TIPIN: variants seen among roughly 807,000 people sequenced by gnomAD.
TIPIN encodes TIMELESS interacting protein, also known as TIMELESS-interacting protein.
In TIPIN, 29 loss-of-function variants were observed where a neutral mutation model predicts 35.6. The observed-to-expected ratio is 0.82, with a 90% CI of 0.61 to 1.11. TIPIN has a LOEUF of 1.11. TIPIN is among the 50% of genes most tolerant of loss of function. The probability of loss-of-function intolerance (pLI) is 0.00; values close to 1 mark genes in which losing one functional copy is unlikely to be tolerated. For missense variants in TIPIN, 296 were observed against 345.4 expected (o/e 0.86, Z 1.13); for synonymous variants, 102 against 121.5 (o/e 0.84, Z 1.06).
chr15:66,379,577 T>C, intron 1 of TIPIN: 1 of 1,611,538 alleles, frequency 6.2e-7, no homozygotes, highest in African/African-American at 1.3e-5. Context: ...AATTTCGGAT[T>C]TCAACAACAG....
At chr15:66,367,204 ATATCTATATCTATATCTATATCTG>A (rs1373414736) in intron 1 of TIPIN, among the ~76,000 whole-genome samples, 7 of 129,324 alleles carry the variant, frequency 5.4e-5, no homozygotes, top group Admixed American at 2.4e-4. Context: ...ATCTATATCT[ATATCTATATCTATATCTATATCTG>A]TATCTATATC....
chr15:66,366,597 C>CA (rs757848258), intron 1 of TIPIN, among the ~76,000 whole-genome samples: 14,667 of 92,118 alleles, frequency 0.16, 1,211 homozygotes, highest in Non-Finnish European at 0.19. Context: ...ACTAAATATA[C>CA]AAAAAAAAAA....
At chr15:66,370,041 A>T (rs958869182) in intron 1 of TIPIN, among the ~76,000 whole-genome samples, 3 of 152,180 alleles carry the variant, frequency 2.0e-5, no homozygotes, top group African/African-American at 7.2e-5. Flanking sequence ...GAGATTTGAG[A>T]TTTGTTTACT....
At chr15:66,346,333 G>T (rs1022022022) in intron 6 of TIPIN, among the ~76,000 whole-genome samples, 1 of 150,248 alleles carries the variant, frequency 6.7e-6, no homozygotes, top group Non-Finnish European at 1.5e-5. Context: ...TGCATAGATG[G>T]CTCCCCCATT....
At chr15:66,376,776 A>T (rs1241791719) in intron 1 of TIPIN, among the ~76,000 whole-genome samples, 1 of 150,826 alleles carries the variant, frequency 6.6e-6, no homozygotes, top group East Asian at 2.0e-4. Context: ...CTGGGTCAGT[A>T]TTGGGACTTT....
intron 7 of TIPIN, among the ~76,000 whole-genome samples, chr15:66,339,024 G>A (rs924370181): frequency 6.8e-6 from 1 of 146,760 alleles, no homozygotes; most frequent in Non-Finnish European, 1.5e-5. Flanking sequence ...CTAGCTACTT[G>A]AGGAGGCTGA....
intron 1 of TIPIN, among the ~76,000 whole-genome samples, chr15:66,353,591 G>A (rs2093183510): frequency 6.7e-6 from 1 of 150,302 alleles, no homozygotes; most frequent in East Asian, 1.9e-4. Context: ...ACTCCAGCCT[G>A]GGCGACAGAC....
chr15:66,365,411 A>G (rs1281447548), intron 1 of TIPIN, among the ~76,000 whole-genome samples: 1 of 152,246 alleles, frequency 6.6e-6, no homozygotes, highest in Non-Finnish European at 1.5e-5. Context: ...TAAAAAGGGG[A>G]GGAACCCTCC....
intron 1 of TIPIN, chr15:66,379,449 T>C (rs2093309803): frequency 1.9e-6 from 3 of 1,605,830 alleles, no homozygotes; most frequent in African/African-American, 1.3e-5. Flanking sequence ...AGCCGCTGAA[T>C]TTGAAACAAG....
In TIPIN at chr15:66,352,897, A is replaced by T. The variant is rs1566977398; in HGVS notation, c.51T>A (p.His17Gln). 1 of 1,613,964 alleles carries T rather than the reference A, an allele frequency of 6.2e-7. No homozygotes were observed. The change falls in exon 2 of 8, where the codon CAT becomes CAA. Residue 17 changes from histidine (H) to glutamine (Q), a missense_variant. Physicochemically the swap from His to Gln is conservative, Grantham distance 24 (BLOSUM62 0). Coordinates refer to ENST00000261881, the MANE Select transcript of TIPIN (RefSeq NM_017858.3). ...NGVIDLPDYE[H>Q]VEDETFPPFP... ...AAGGAGGAAAAGTTTCATCTTCTACATGCTCATAATCTGGTAGGTCAATCA... is the reference window on the plus strand; with the variant it reads ...AAGGAGGAAAAGTTTCATCTTCTACTTGCTCATAATCTGGTAGGTCAATCA...
upstream of TIPIN, among the ~76,000 whole-genome samples, chr15:66,360,568 G>A (rs1023386240): frequency 6.6e-6 from 1 of 152,180 alleles, no homozygotes; most frequent in African/African-American, 2.4e-5. Flanking sequence ...AGTGGCTCCC[G>A]TCTGTAATCC....
intron 6 of TIPIN, among the ~76,000 whole-genome samples, chr15:66,345,496 A>G (rs1418625430): frequency 6.6e-6 from 1 of 152,122 alleles, no homozygotes; most frequent in Admixed American, 6.6e-5. Context: ...AGGTGGATCA[A>G]CTGAAATCAG....
chr15:66,357,133 C>T (rs991087900), upstream of TIPIN, among the ~76,000 whole-genome samples: 3 of 152,010 alleles, frequency 2.0e-5, no homozygotes, highest in Admixed American at 2.0e-4. Flanking sequence ...ATTAGTTGCC[C>T]AGGCTGGTGT....
At chr15:66,377,125 A>AAG (rs2093299904) in intron 1 of TIPIN, among the ~76,000 whole-genome samples, 3 of 151,130 alleles carry the variant, frequency 2.0e-5, no homozygotes, top group African/African-American at 7.3e-5. Context: ...AAAAAAAAAA[A>AAG]AGAGAGTGCA....
chr15:66,379,615 T>C, intron 1 of TIPIN: 11 of 1,610,228 alleles, frequency 6.8e-6, no homozygotes, highest in Non-Finnish European at 8.5e-6. Context: ...ACGACGATGA[T>C]GGGGAAGTAA....
At chr15:66,355,318 C>G (rs1595802693) in intron 1 of TIPIN, among the ~76,000 whole-genome samples, 1 of 151,088 alleles carries the variant, frequency 6.6e-6, no homozygotes, top group East Asian at 2.0e-4. Flanking sequence ...CAGGCGTGAG[C>G]CATCGCGCCC....
chr15:66,342,186 CAAAAAAAAAAA>C (rs55711983), intron 6 of TIPIN, among the ~76,000 whole-genome samples: 14,755 of 108,868 alleles, frequency 0.14, 897 homozygotes, highest in African/African-American at 0.22. Context: ...AAGACTGTCT[CAAAAAAAAAAA>C]AAAAAAAAAA....
chr15:66,369,007 C>T (rs2093268101), intron 1 of TIPIN, among the ~76,000 whole-genome samples: 1 of 152,058 alleles, frequency 6.6e-6, no homozygotes, highest in South Asian at 2.1e-4. Context: ...AAGTGGGCTG[C>T]CTGAACACCA....
chr15:66,371,105 G>T (rs2093276031), intron 1 of TIPIN: 1 of 416,656 alleles, frequency 2.4e-6, no homozygotes. Flanking sequence ...CAGCTACTCG[G>T]AAGGCTGAGG....
Sources: gnomAD v4.1 joint callset for allele counts (sites outside exome capture counted in the v4.1 genomes callset) on GRCh38, gnomAD v4.1.1 for gene constraint, MANE v1.5 for transcripts, NCBI Gene and HGNC (gene_info 2026-07-23, HGNC 2026-07-21) for gene names.